CCDC30: variants seen among roughly 807,000 people sequenced by gnomAD.
CCDC30 encodes the protein coiled-coil domain containing 30, also known as coiled-coil domain-containing protein 30.
CCDC30 carries 70 observed loss-of-function variants against 100.2 expected under a neutral mutation model. That is an observed-to-expected ratio of 0.70 (90% confidence interval 0.58 to 0.85). The LOEUF (loss-of-function observed/expected upper bound fraction) is 0.85, where lower values mean the gene tolerates loss of function less well. Among genes scored for constraint, CCDC30 ranks in the 40% least tolerant of loss-of-function variants. The pLI is 0.00. For missense variants in CCDC30, 652 were observed against 771.2 expected, an observed-to-expected ratio of 0.85 and a Z score of 1.83; for synonymous variants, 233 against 269.5, an observed-to-expected ratio of 0.86 and a Z score of 1.33.
At chr1:42,516,807 T>C (rs959268955) in intron 6 of CCDC30, among the ~76,000 whole-genome samples, 1 of 152,174 alleles carries the variant, frequency 6.6e-6, no homozygotes, top group Admixed American at 6.5e-5. Flanking sequence ...GTTATAGCAA[T>C]ACAAAATGGA....
chr1:42,603,062 T>C (rs373672417), intron 10 of CCDC30, among the ~76,000 whole-genome samples: 1 of 152,238 alleles, frequency 6.6e-6, no homozygotes, highest in South Asian at 2.1e-4. Flanking sequence ...AGTCTGTTTA[T>C]GCTGCTATAA....
intron 3 of CCDC30, among the ~76,000 whole-genome samples, chr1:42,486,120 A>G (rs1022040593): frequency 3.3e-5 from 5 of 152,214 alleles, no homozygotes; most frequent in African/African-American, 7.2e-5. Flanking sequence ...TTCTACTCCT[A>G]GCTACCTACC....
chr1:42,647,717 C>T (rs935501602), intron 15 of CCDC30, among the ~76,000 whole-genome samples: 1 of 152,152 alleles, frequency 6.6e-6, no homozygotes, highest in Non-Finnish European at 1.5e-5. Flanking sequence ...GAAATTGTGT[C>T]AAGTATCTTC....
chr1:42,617,955 C>T (rs1646756557), intron 11 of CCDC30, among the ~76,000 whole-genome samples: 1 of 152,140 alleles, frequency 6.6e-6, no homozygotes, highest in Non-Finnish European at 1.5e-5. Context: ...TAAGTTTCTC[C>T]CAAAGTTAGT....
At chr1:42,561,376 G>A (rs1297348528) in intron 6 of CCDC30, among the ~76,000 whole-genome samples, 1 of 152,180 alleles carries the variant, frequency 6.6e-6, no homozygotes, top group Non-Finnish European at 1.5e-5. Context: ...CTCAATAGAT[G>A]CAGAAAAGGC....
chr1:42,472,051 C>T (rs777498966), intron 1 of CCDC30, among the ~76,000 whole-genome samples: 11 of 152,004 alleles, frequency 7.2e-5, no homozygotes, highest in Admixed American at 6.6e-5. Flanking sequence ...GTCAGGAGTT[C>T]GAGACGAGCC....
intron 6 of CCDC30, among the ~76,000 whole-genome samples, chr1:42,506,666 C>A (rs1339072420): frequency 6.6e-6 from 1 of 152,126 alleles, no homozygotes; most frequent in Non-Finnish European, 1.5e-5. Flanking sequence ...TTTACCTCTT[C>A]TTTGGATGGT....
intron 10 of CCDC30, among the ~76,000 whole-genome samples, chr1:42,607,693 A>G (rs952008677): frequency 6.6e-6 from 1 of 152,152 alleles, no homozygotes; most frequent in African/African-American, 2.4e-5. Context: ...TTAGTAAGGA[A>G]AATCAGTGAA....
At chr1:42,485,090 T>A (rs1569767004) in intron 3 of CCDC30, among the ~76,000 whole-genome samples, 2 of 152,306 alleles carry the variant, frequency 1.3e-5, no homozygotes, top group South Asian at 4.1e-4. Context: ...TAGAGCTGTA[T>A]AGTGAAATAT....
chr1:42,569,381 C>A (rs995714565), intron 7 of CCDC30, among the ~76,000 whole-genome samples: 16 of 152,326 alleles, frequency 1.1e-4, no homozygotes, highest in East Asian at 1.9e-4. Flanking sequence ...AAAAAAAGCT[C>A]ATCATCGCTG....
intron 10 of CCDC30, among the ~76,000 whole-genome samples, chr1:42,600,590 G>A (rs984849554): frequency 3.3e-5 from 5 of 152,058 alleles, no homozygotes; most frequent in Non-Finnish European, 7.4e-5. Flanking sequence ...TAGAAATCAT[G>A]CAATGTATGC....
intron 14 of CCDC30, among the ~76,000 whole-genome samples, chr1:42,645,367 A>G (rs972237570): frequency 6.6e-6 from 1 of 151,994 alleles, no homozygotes; most frequent in Non-Finnish European, 1.5e-5. Flanking sequence ...AAAGAGAAGC[A>G]ATTATGTTCC....
intron 6 of CCDC30, among the ~76,000 whole-genome samples, chr1:42,557,544 T>C (rs1395850121): frequency 2.0e-5 from 3 of 150,594 alleles, no homozygotes. Flanking sequence ...GAACTTGCCA[T>C]TGGGACCAGT....
intron 7 of CCDC30, among the ~76,000 whole-genome samples, chr1:42,572,200 G>A (rs1362114357): frequency 2.0e-5 from 3 of 152,134 alleles, no homozygotes; most frequent in East Asian, 3.8e-4. Flanking sequence ...TAAAATTTTT[G>A]CAAACCTAGT....
chr1:42,625,706 A>G (rs1646920018), intron 11 of CCDC30, among the ~76,000 whole-genome samples: 1 of 151,870 alleles, frequency 6.6e-6, no homozygotes, highest in African/African-American at 2.4e-5. Flanking sequence ...TTATTCCAAT[A>G]TGGTCGGAGA....
rs369279944 is a variant in CCDC30, at chr1:42,653,406, G to A, written c.1885G>A (p.Glu629Lys). The A allele has an allele frequency of 2.4e-5, 38 of 1,602,874 alleles. No homozygotes were observed. The highest frequency in any genetic ancestry group is 5.4e-5 in the African/African-American group (4 of 74,604). The change falls in exon 16 of 17, where the codon GAA becomes AAA. Residue 629 changes from glutamate to lysine, a missense_variant. Transcript: ENST00000668663. Reference sequence around the variant, plus strand: ...AACAATTAGTGACATCCTTGAATCCGAAGTAGTGAATGAAATATTGCCTTT... The same window carrying A: ...AACAATTAGTGACATCCTTGAATCCAAAGTAGTGAATGAAATATTGCCTTT...
intron 1 of CCDC30, among the ~76,000 whole-genome samples, chr1:42,476,733 CTTATTA>C (rs910353630): frequency 1.8e-4 from 17 of 92,952 alleles, no homozygotes; most frequent in African/African-American, 3.9e-4. Flanking sequence ...TGTTATTATA[CTTATTA>C]TTATATATGG....
chr1:42,501,692 A>G (rs1032151167), intron 6 of CCDC30, among the ~76,000 whole-genome samples: 8 of 152,150 alleles, frequency 5.3e-5, no homozygotes, highest in African/African-American at 1.9e-4. Context: ...CCTCAGCTGC[A>G]GGTCTCTTGG....
intron 12 of CCDC30, among the ~76,000 whole-genome samples, chr1:42,642,157 T>C (rs373350959): frequency 6.6e-5 from 10 of 151,526 alleles, no homozygotes; most frequent in South Asian, 4.2e-4. Flanking sequence ...ACCTGGGAGG[T>C]GGAGCTTGCA....
Sources: allele counts gnomAD v4.1 joint callset (sites outside exome capture counted in the v4.1 genomes callset), GRCh38; gene constraint gnomAD v4.1.1; transcripts MANE v1.5; gene names NCBI Gene and HGNC (gene_info 2026-07-23, HGNC 2026-07-21).